FSHR: variants seen among roughly 807,000 people sequenced by gnomAD.
The protein encoded by FSHR is follicle stimulating hormone receptor, also known as follicle-stimulating hormone receptor.
A neutral mutation model predicts 52.1 loss-of-function variants in FSHR; 46 were observed. The ratio of observed to expected loss-of-function variants is 0.88; its 90% CI spans 0.70 to 1.13. The LOEUF (loss-of-function observed/expected upper bound fraction) is 1.13, where lower values mean the gene tolerates loss of function less well. Among genes scored for constraint, FSHR ranks in the 50% most tolerant of loss-of-function variants. The pLI, the probability that FSHR is intolerant of heterozygous loss-of-function variation, is 0.00. For synonymous variants in FSHR, 399 were observed against 309.6 expected (o/e 1.29, Z -3.03); for missense variants, 964 against 834.6 (o/e 1.16, Z -1.91).
chr2:49,030,271 A>AGTGT (rs141079184), intron 2 of FSHR, among the ~76,000 whole-genome samples: 2,401 of 140,412 alleles, frequency 0.017, 19 homozygotes, highest in African/African-American at 0.019. Context: ...AGGAATAGCA[A>AGTGT]GTGTGTGTGT....
In FSHR at chr2:49,054,288, C is replaced by G. The variant is rs145895916; in HGVS notation, c.224+13931G>C. Among the ~76,000 whole-genome samples the G allele has an allele frequency of 1.4e-3, 216 of 152,278 alleles. 1 individual carries two copies. Among genetic ancestry groups the G allele is most frequent in the African/African-American group, 5.1e-3 (213 of 41,564 alleles). ...ACTAGCTGTGTGCCCATGTCTTGGC[C>G]TAAGAAATAGCCCACAGGTTGCTGC... On this transcript the variant is annotated intron_variant, in intron 2 of 9. Coordinates refer to ENST00000406846, the MANE Select transcript of FSHR (RefSeq NM_000145.4).
intron 4 of FSHR, among the ~76,000 whole-genome samples, chr2:49,007,678 A>T (rs150186444): frequency 1.5e-3 from 232 of 152,224 alleles, no homozygotes; most frequent in African/African-American, 5.3e-3. Flanking sequence ...GTCCTAAAGA[A>T]GCAGTTACAG....
chr2:49,108,107 G>A (rs1671298032), intron 1 of FSHR, among the ~76,000 whole-genome samples: 1 of 152,096 alleles, frequency 6.6e-6, no homozygotes, highest in Non-Finnish European at 1.5e-5. Context: ...GTCCTGAATA[G>A]AACAAAAATG....
chr2:48,972,829 T>C (rs1309681338), intron 8 of FSHR, among the ~76,000 whole-genome samples: 3 of 152,218 alleles, frequency 2.0e-5, no homozygotes, highest in Admixed American at 2.0e-4. Context: ...AAGCAGGTTA[T>C]TTTTCTTGAT....
At chr2:49,121,791 CA>C (rs1671825220) in intron 1 of FSHR, among the ~76,000 whole-genome samples, 1 of 128,290 alleles carries the variant, frequency 7.8e-6, no homozygotes, top group Non-Finnish European at 1.7e-5. Context: ...TTTTTAATAG[CA>C]AAGATTTTTT....
At chr2:49,030,789 TCCCCCATTCTA>T (rs1254212490) in intron 2 of FSHR, among the ~76,000 whole-genome samples, 1 of 152,106 alleles carries the variant, frequency 6.6e-6, no homozygotes, top group East Asian at 1.9e-4. Flanking sequence ...ACAGTAGTTA[TCCCCCATTCTA>T]CCCCCAAATT....
intron 2 of FSHR, among the ~76,000 whole-genome samples, chr2:49,052,788 T>C (rs1199536724): frequency 6.6e-6 from 1 of 152,104 alleles, no homozygotes; most frequent in Admixed American, 6.5e-5. Context: ...TCACAGAAGG[T>C]TGGGTTAGGA....
chr2:49,027,242 A>G (rs571379337), intron 2 of FSHR, among the ~76,000 whole-genome samples: 3 of 152,306 alleles, frequency 2.0e-5, no homozygotes, highest in African/African-American at 7.2e-5. Context: ...TCAGCTTTGC[A>G]ATTTCCACCA....
chr2:49,112,395 C>T (rs183084973), intron 1 of FSHR, among the ~76,000 whole-genome samples: 2 of 152,046 alleles, frequency 1.3e-5, no homozygotes, highest in Admixed American at 1.3e-4. Context: ...TAAAATAATG[C>T]AGTAGAGGAG....
chr2:49,135,752 T>G (rs944339014), intron 1 of FSHR, among the ~76,000 whole-genome samples: 1 of 152,136 alleles, frequency 6.6e-6, no homozygotes, highest in African/African-American at 2.4e-5. Flanking sequence ...CATAAACAAT[T>G]AACACATTCT....
intron 2 of FSHR, among the ~76,000 whole-genome samples, chr2:49,061,263 C>G (rs1362869250): frequency 1.3e-5 from 2 of 152,098 alleles, no homozygotes; most frequent in African/African-American, 4.8e-5. Context: ...ACCCTGCCCC[C>G]ATAGCTGCTG....
chr2:49,026,131 G>A (rs976058741), intron 2 of FSHR, among the ~76,000 whole-genome samples: 1 of 152,144 alleles, frequency 6.6e-6, no homozygotes, highest in Non-Finnish European at 1.5e-5. Context: ...TCATCCTACA[G>A]ATATCCCCAA....
intron 8 of FSHR, among the ~76,000 whole-genome samples, chr2:48,978,702 G>T (rs1675103943): frequency 6.6e-6 from 1 of 152,184 alleles, no homozygotes; most frequent in Non-Finnish European, 1.5e-5. Flanking sequence ...ACTCACAAGG[G>T]GGAAATGAGG....
rs1674436756 is a variant in FSHR at position 48,965,551 on chromosome 2, C to CAACTAA, written c.855-1586_855-1585insTTAGTT. 2.6e-5 allele frequency among the ~76,000 whole-genome samples: 4 copies of CAACTAA among 152,242 alleles called. No homozygotes were observed. In the East Asian group the frequency reaches 7.7e-4, roughly 29 times the overall value. On this transcript the variant is annotated intron_variant, in intron 9 of 9. Transcript: ENST00000406846. ...GTGGTCCTTAGTCTAACTCTAGACT[C>CAACTAA]TTAAACCCTGTTACTGAATTAGTTG...
At chr2:49,125,282 C>T (rs555930351) in intron 1 of FSHR, among the ~76,000 whole-genome samples, 2 of 151,904 alleles carry the variant, frequency 1.3e-5, no homozygotes, top group African/African-American at 2.4e-5. Context: ...TTGGGCCACA[C>T]GTAAACTACA....
intron 2 of FSHR, among the ~76,000 whole-genome samples, chr2:49,028,436 C>T (rs1387169378): frequency 1.3e-5 from 2 of 152,096 alleles, no homozygotes; most frequent in African/African-American, 2.4e-5. Context: ...ATTGCCCAGT[C>T]GTGTGACCTT....
chr2:49,085,124 G>A (rs904485844), intron 1 of FSHR, among the ~76,000 whole-genome samples: 28 of 152,064 alleles, frequency 1.8e-4, no homozygotes, highest in African/African-American at 4.8e-4. Flanking sequence ...GAATCCAGCA[G>A]CACATCAAAA....
rs560193646 is a variant in FSHR at position 49,042,119 on chromosome 2, T to C, written c.225-21959A>G. On this transcript the variant is annotated intron_variant, in intron 2 of 9. Transcript: ENST00000406846. ...GTGATTACATCCTGCCCACTAGGTA[T>C]ATAGCCATTCATTTTAGAAATATTT... Among the ~76,000 whole-genome samples, 189 of 152,278 alleles carry C rather than the reference T, an allele frequency of 1.2e-3. 1 individual carries two copies. The highest frequency in any genetic ancestry group is 4.4e-3 in the African/African-American group (182 of 41,558).
At chr2:49,153,062 A>G (rs1673120137) in intron 1 of FSHR, among the ~76,000 whole-genome samples, 1 of 152,214 alleles carries the variant, frequency 6.6e-6, no homozygotes, top group South Asian at 2.1e-4. Flanking sequence ...GCCTCTGGAT[A>G]AGGACTGAAG....
Sources: gnomAD v4.1 joint callset for allele counts (sites outside exome capture counted in the v4.1 genomes callset) on GRCh38, gnomAD v4.1.1 for gene constraint, MANE v1.5 for transcripts, NCBI Gene and HGNC (gene_info 2026-07-23, HGNC 2026-07-21) for gene names.